Variants in DCAF1 observed in about 807,000 individuals in gnomAD.
The protein encoded by DCAF1 is DDB1- and CUL4-associated factor 1.
DCAF1 carries 15 observed loss-of-function variants against 128.0 expected under a neutral mutation model. That is an observed-to-expected ratio of 0.12 (90% CI 0.08 to 0.18). DCAF1 has a LOEUF of 0.18. Ranked by LOEUF, DCAF1 falls within the 10% of genes least tolerant of loss-of-function variation. The pLI, the probability that DCAF1 is intolerant of heterozygous loss-of-function variation, is 1.00. For missense variants in DCAF1, 988 were observed against 1,649.5 expected (o/e 0.60, Z 6.95); for synonymous variants, 610 against 603.0 (o/e 1.01, Z -0.17).
intron 4 of DCAF1, among the ~76,000 whole-genome samples, chr3:51,469,232 T>TG (rs1553647529): frequency 1.3e-5 from 2 of 148,430 alleles, no homozygotes; most frequent in Non-Finnish European, 3.0e-5. Flanking sequence ...TTTTTTTTTT[T>TG]TTTTTTTTTT....
intron 24 of DCAF1, among the ~76,000 whole-genome samples, chr3:51,402,771 A>G (rs1201682648): frequency 6.6e-6 from 1 of 151,986 alleles, no homozygotes; most frequent in Middle Eastern, 3.2e-3. Context: ...ACAGGATTTC[A>G]TCATGTTGCC....
At chr3:51,411,863 ACT>A (rs1175957076) in intron 23 of DCAF1, among the ~76,000 whole-genome samples, 24 of 151,864 alleles carry the variant, frequency 1.6e-4, no homozygotes, top group Non-Finnish European at 4.4e-5. Flanking sequence ...TACTCCACGC[ACT>A]CTGAGAGGCC....
At chr3:51,435,349 T>C (rs1700713048) in intron 9 of DCAF1, among the ~76,000 whole-genome samples, 1 of 152,180 alleles carries the variant, frequency 6.6e-6, no homozygotes, top group Non-Finnish European at 1.5e-5. Flanking sequence ...CTGTGCAAAG[T>C]ATAACCATGA....
chr3:51,429,441 T>C lies in DCAF1; in HGVS notation c.1497A>G (p.Glu499=), dbSNP rs1577116241. ...CATCACTCAGAAGTGCACCCTGATCTTCCAAATTTAGAATCTCCAAAGTAC... is the reference window on the plus strand; with the variant it reads ...CATCACTCAGAAGTGCACCCTGATCCTCCAAATTTAGAATCTCCAAAGTAC... The part of the protein sequence containing the change: ...LISTLEILNL[E]DQGALLSDDE... The change falls in exon 12 of 25, where the codon GAA becomes GAG. Residue 499 remains glutamate, a synonymous_variant. Coordinates refer to ENST00000684031, the MANE Select transcript of DCAF1 (RefSeq NM_001387579.1). 1 of 780,884 alleles carries C rather than the reference T, an allele frequency of 1.3e-6. No individual in the cohort carries two copies. The highest frequency in any genetic ancestry group is 2.4e-5 in the East Asian group (1 of 41,254). The allele number at this position is 780,884 out of a possible 1,614,324, so 48.4% of individuals were successfully genotyped here.
At chr3:51,454,697 G>A (rs141837149) in intron 6 of DCAF1, among the ~76,000 whole-genome samples, 23 of 150,296 alleles carry the variant, frequency 1.5e-4, no homozygotes, top group Admixed American at 8.0e-4. Flanking sequence ...TTTTTGAGAC[G>A]GAGTCTCGCT....
rs375058893 is a variant in DCAF1 at position 51,415,323 on chromosome 3, G to A, written c.3604-466C>T. On this transcript the variant is annotated intron_variant, in intron 18 of 24. Coordinates refer to ENST00000684031, the MANE Select transcript of DCAF1 (RefSeq NM_001387579.1). ...GCCTGGGCAACGTTGGGGAAATGCCGTCTCTACAAAAATACAAAAAAATTA... is the reference window on the plus strand; with the variant it reads ...GCCTGGGCAACGTTGGGGAAATGCCATCTCTACAAAAATACAAAAAAATTA... Among the ~76,000 whole-genome samples, 30 of 151,948 alleles carry A rather than the reference G, an allele frequency of 2.0e-4. No individual in the cohort carries two copies. The East Asian group carries it at 2.7e-3, about 14-fold the overall frequency.
chr3:51,473,546 ACT>A (rs1212931408), intron 3 of DCAF1, among the ~76,000 whole-genome samples: 2 of 147,462 alleles, frequency 1.4e-5, no homozygotes, highest in African/African-American at 5.0e-5. Context: ...ACAGGGTCTC[ACT>A]CTGTTGCTCA....
intron 4 of DCAF1, among the ~76,000 whole-genome samples, chr3:51,467,596 T>C (rs1188710645): frequency 1.3e-5 from 2 of 152,074 alleles, no homozygotes; most frequent in Admixed American, 6.6e-5. Context: ...CATGTATACA[T>C]ATGTAACAAA....
intron 4 of DCAF1, among the ~76,000 whole-genome samples, chr3:51,468,108 A>G (rs1704329431): frequency 6.6e-6 from 1 of 152,238 alleles, no homozygotes; most frequent in African/African-American, 2.4e-5. Context: ...CCAGGGGCCT[A>G]GGATCAACTC....
At chr3:51,427,777 C>A (rs1228143099) in intron 12 of DCAF1, among the ~76,000 whole-genome samples, 5 of 152,012 alleles carry the variant, frequency 3.3e-5, no homozygotes, top group African/African-American at 1.2e-4. Context: ...GAACCACAGG[C>A]ACATGCCACC....
intron 9 of DCAF1, chr3:51,438,174 A>T (rs1553637559): frequency 2.9e-6 from 1 of 343,530 alleles, no homozygotes; most frequent in Non-Finnish European, 5.6e-6. Flanking sequence ...ACTTTAGCCC[A>T]GCAGGGTAAC....
At chr3:51,410,977 G>A (rs1368650783) in intron 23 of DCAF1, among the ~76,000 whole-genome samples, 2 of 152,080 alleles carry the variant, frequency 1.3e-5, no homozygotes, top group African/African-American at 2.4e-5. Flanking sequence ...GGCCAACATT[G>A]TGAAACCCCA....
At chr3:51,480,128 T>G (rs1705988467) in intron 3 of DCAF1, among the ~76,000 whole-genome samples, 1 of 151,558 alleles carries the variant, frequency 6.6e-6, no homozygotes, top group Non-Finnish European at 1.5e-5. Flanking sequence ...AAAAAAAATT[T>G]TTTTTAATGA....
At chr3:51,413,846 T>C (rs1698645613) in intron 20 of DCAF1, 104 bp downstream of exon 20, 1 of 1,273,464 alleles carries the variant, frequency 7.9e-7, no homozygotes, top group Non-Finnish European at 1.0e-6. Flanking sequence ...AACTCTCAAA[T>C]GCTTTCCAAT....
At chr3:51,496,063 A>G (rs1459040808) in intron 2 of DCAF1, among the ~76,000 whole-genome samples, 3 of 150,816 alleles carry the variant, frequency 2.0e-5, no homozygotes, top group Non-Finnish European at 4.4e-5. Flanking sequence ...AGGCCAAGGC[A>G]GGCAGATCAC....
At chr3:51,498,941 C>T (rs1207159127) in intron 1 of DCAF1, among the ~76,000 whole-genome samples, 2 of 152,122 alleles carry the variant, frequency 1.3e-5, no homozygotes, top group East Asian at 1.9e-4. Context: ...CAGGAAGATG[C>T]TACTAATATA....
intron 5 of DCAF1, 145 bp downstream of exon 5, chr3:51,466,658 T>C (rs577006218): frequency 1.5e-6 from 1 of 663,728 alleles, no homozygotes; most frequent in Non-Finnish European, 2.6e-6. Flanking sequence ...GAGAAAGCAT[T>C]ATGGCCACAA....
intron 5 of DCAF1, among the ~76,000 whole-genome samples, chr3:51,465,414 G>C (rs1394098001): frequency 2.0e-5 from 3 of 152,160 alleles, no homozygotes; most frequent in Non-Finnish European, 2.9e-5. Flanking sequence ...TGGTGATATA[G>C]AAATAAATCT....
intron 9 of DCAF1, chr3:51,440,223 T>C (rs947348201): frequency 1.9e-5 from 9 of 484,534 alleles, no homozygotes; most frequent in South Asian, 1.2e-4. Context: ...GTTTTGATTG[T>C]TACTATTCTG....
Sources: gnomAD v4.1 joint callset for allele counts (sites outside exome capture counted in the v4.1 genomes callset) on GRCh38, gnomAD v4.1.1 for gene constraint, MANE v1.5 for transcripts, NCBI Gene and HGNC (gene_info 2026-07-23, HGNC 2026-07-21) for gene names.